The following PRELID2 variants were observed in gnomAD, a reference collection of about 807,000 sequenced individuals.
The protein encoded by PRELID2 is PRELI domain containing 2.
Under a neutral mutation model 28.4 loss-of-function variants are expected in PRELID2, and 25 were observed. The observed-to-expected ratio is 0.88, with a 90% CI of 0.64 to 1.23. The LOEUF is 1.23. Among genes scored for constraint, PRELID2 ranks in the 50% most tolerant of loss-of-function variants. PRELID2 has a pLI of 0.00. For synonymous variants in PRELID2, 76 were observed against 71.6 expected (o/e 1.06, Z -0.31); for missense variants, 201 against 214.4 (o/e 0.94, Z 0.39).
chr5:145,260,126 T>C, the PRELID2 span, among the ~76,000 whole-genome samples: 791 of 152,288 alleles, frequency 5.2e-3, 3 homozygotes, highest in Middle Eastern at 0.031. Flanking sequence ...TACCCCTTTG[T>C]CTTCCACCAT....
chr5:145,254,588 C>A, the PRELID2 span, among the ~76,000 whole-genome samples: 1 of 152,040 alleles, frequency 6.6e-6, no homozygotes, highest in Non-Finnish European at 1.5e-5. Flanking sequence ...GAGAGAAACC[C>A]TACAGGTCAT....
intron 1 of PRELID2, among the ~76,000 whole-genome samples, chr5:145,732,539 T>G (rs1402815351): frequency 1.3e-5 from 2 of 152,184 alleles, no homozygotes; most frequent in African/African-American, 4.8e-5. Flanking sequence ...GAAACCAAAA[T>G]TTTAATTGGA....
At chr5:145,414,789 C>A in the PRELID2 span, among the ~76,000 whole-genome samples, 1 of 152,194 alleles carries the variant, frequency 6.6e-6, no homozygotes, top group Non-Finnish European at 1.5e-5. Context: ...CATCTCAGCA[C>A]TCAATACCTG....
chr5:145,822,308 C>T (rs75550686), intron 2 of PRELID2, among the ~76,000 whole-genome samples: 1,609 of 152,204 alleles, frequency 0.011, 10 homozygotes, highest in Non-Finnish European at 0.019. Flanking sequence ...ATGCTCTAGA[C>T]CAGGAATCAG....
At chr5:145,719,848 T>C (rs1194242145) in intron 1 of PRELID2, among the ~76,000 whole-genome samples, 1 of 151,738 alleles carries the variant, frequency 6.6e-6, no homozygotes, top group Non-Finnish European at 1.5e-5. Flanking sequence ...TTCAAACAAG[T>C]ATGTAGGAAT....
chr5:145,470,999 G>C (rs995918993), downstream of PRELID2, among the ~76,000 whole-genome samples: 4 of 152,066 alleles, frequency 2.6e-5, no homozygotes, highest in Admixed American at 6.6e-5. Flanking sequence ...TATATTTGTA[G>C]TTCTTCTAGG....
chr5:145,800,725 T>C (rs549432681), intron 4 of PRELID2, among the ~76,000 whole-genome samples: 4 of 152,206 alleles, frequency 2.6e-5, no homozygotes, highest in Admixed American at 2.0e-4. Context: ...TAAAGCAGGG[T>C]CATGCCCTTG....
the PRELID2 span, among the ~76,000 whole-genome samples, chr5:145,383,622 C>CAA: frequency 4.1e-3 from 525 of 127,186 alleles, 10 homozygotes; most frequent in East Asian, 0.059. Context: ...TGTCAGCATG[C>CAA]AAAAAAAAAA....
the PRELID2 span, among the ~76,000 whole-genome samples, chr5:145,344,324 C>T: frequency 1.3e-5 from 2 of 151,930 alleles, no homozygotes; most frequent in African/African-American, 4.8e-5. Context: ...TGGGACCCAT[C>T]CCAGGAATTC....
At chr5:145,527,636 A>T (rs867428942) in intron 1 of PRELID2, among the ~76,000 whole-genome samples, 2 of 152,182 alleles carry the variant, frequency 1.3e-5, no homozygotes, top group African/African-American at 2.4e-5. Flanking sequence ...TTTGCCCTCA[A>T]GGGTAATATT....
At chr5:145,530,893 G>A (rs1487561853) in intron 1 of PRELID2, among the ~76,000 whole-genome samples, 1 of 152,090 alleles carries the variant, frequency 6.6e-6, no homozygotes, top group Non-Finnish European at 1.5e-5. Flanking sequence ...ACTCCATCTT[G>A]AGTGGAGAAA....
chr5:145,426,887 C>A, the PRELID2 span, among the ~76,000 whole-genome samples: 9 of 152,046 alleles, frequency 5.9e-5, no homozygotes, highest in Non-Finnish European at 1.2e-4. Flanking sequence ...ATTCTAGTAC[C>A]CTGGTTGAGA....
At chr5:145,340,156 C>A in the PRELID2 span, among the ~76,000 whole-genome samples, 2 of 152,134 alleles carry the variant, frequency 1.3e-5, no homozygotes, top group African/African-American at 4.8e-5. Context: ...AATACTCGAG[C>A]ATCCAACCCA....
chr5:145,314,071 T>C, the PRELID2 span, among the ~76,000 whole-genome samples: 1 of 152,210 alleles, frequency 6.6e-6, no homozygotes, highest in Non-Finnish European at 1.5e-5. Flanking sequence ...TTTTAAATTA[T>C]GTCATATCAC....
the PRELID2 span, among the ~76,000 whole-genome samples, chr5:145,309,453 T>C: frequency 6.6e-5 from 10 of 152,190 alleles, no homozygotes; most frequent in Non-Finnish European, 1.0e-4. Flanking sequence ...GCAGAATAGC[T>C]AAGCTAAAGA....
chr5:145,768,570 A>G (rs993084639), intron 5 of PRELID2, among the ~76,000 whole-genome samples: 3 of 152,200 alleles, frequency 2.0e-5, no homozygotes, highest in African/African-American at 7.2e-5. Context: ...AATAAAAACT[A>G]TCACATTAAT....
the PRELID2 span, among the ~76,000 whole-genome samples, chr5:145,251,270 T>C: frequency 2.6e-5 from 4 of 152,128 alleles, no homozygotes; most frequent in African/African-American, 9.7e-5. Context: ...TTGCTGAGCA[T>C]AGTAAATTAT....
chr5:145,388,196 T>G, the PRELID2 span, among the ~76,000 whole-genome samples: 1 of 152,182 alleles, frequency 6.6e-6, no homozygotes, highest in Admixed American at 6.5e-5. Flanking sequence ...TCTCTCATGT[T>G]TCTTTTCTAC....
Position 145,472,619 on chromosome 5 carries a change from A to G in PRELID2, n.187-482T>C, listed in dbSNP as rs570549896. The stretch of plus-strand genomic sequence containing the variant: ...CCTTTATGCCTACTACCTTAGGGTC[A>G]CAGCAGAAAATTGTCTGGAGGTAGA... On this transcript the variant is annotated intron_variant and non_coding_transcript_variant, in intron 2 of 2. Transcript: ENST00000510259. Among the ~76,000 whole-genome samples the G allele has an allele frequency of 1.4e-4, 22 of 152,310 alleles. No individual in the cohort carries two copies. In the East Asian group the frequency reaches 3.3e-3, roughly 23 times the overall value.
Sources: gnomAD v4.1 joint callset for allele counts (sites outside exome capture counted in the v4.1 genomes callset) on GRCh38, gnomAD v4.1.1 for gene constraint, MANE v1.5 for transcripts, NCBI Gene and HGNC (gene_info 2026-07-23, HGNC 2026-07-21) for gene names.